Variants in EPB41L3 observed in about 807,000 individuals in gnomAD.
EPB41L3 encodes erythrocyte membrane protein band 4.1 like 3.
A neutral mutation model predicts 127.1 loss-of-function variants in EPB41L3; 57 were observed. The observed-to-expected ratio is 0.45, with a 90% CI of 0.36 to 0.56. The LOEUF (loss-of-function observed/expected upper bound fraction) is 0.56. Ranked by LOEUF, EPB41L3 falls within the 20% of genes least tolerant of loss-of-function variation. The probability of loss-of-function intolerance (pLI) is 0.00; values close to 1 mark genes in which losing one functional copy is unlikely to be tolerated. For synonymous variants in EPB41L3, 572 were observed against 549.5 expected, an observed-to-expected ratio of 1.04 and a Z score of -0.57; for missense variants, 1,273 against 1,372.2, an observed-to-expected ratio of 0.93 and a Z score of 1.14.
At chr18:5,485,697 G>A (rs867001914) in intron 2 of EPB41L3, among the ~76,000 whole-genome samples, 17 of 152,042 alleles carry the variant, frequency 1.1e-4, no homozygotes, top group Non-Finnish European at 1.8e-4. Flanking sequence ...TTTGTCAATG[G>A]TAAACTATCT....
intron 3 of EPB41L3, among the ~76,000 whole-genome samples, chr18:5,453,434 G>C (rs991790500): frequency 1.3e-5 from 2 of 152,102 alleles, no homozygotes; most frequent in African/African-American, 4.8e-5. Context: ...CATTGGCAAG[G>C]CTCTTCAGGA....
intron 3 of EPB41L3, among the ~76,000 whole-genome samples, chr18:5,573,410 T>C (rs990801624): frequency 6.6e-6 from 1 of 152,254 alleles, no homozygotes; most frequent in Non-Finnish European, 1.5e-5. Context: ...AAAGCAATCA[T>C]ATACCTCCAA....
intron 7 of EPB41L3, 34 bp from the exon 8 acceptor site, chr18:5,433,590 T>C (rs1214133347): frequency 1.3e-6 from 2 of 1,568,886 alleles, no homozygotes; most frequent in Admixed American, 1.7e-5. Context: ...CAATGATGCT[T>C]TTCCCTTCCC....
Position 5,398,191 on chromosome 18 carries a change from A to G in EPB41L3, c.2350-48T>C, listed in dbSNP as rs149052766. 4.7e-4 allele frequency: 751 copies of G among 1,606,024 alleles called. 1 individual carries two copies. In the African/African-American group the frequency reaches 6.9e-3, roughly 15 times the overall value. On this transcript the variant is annotated intron_variant, in intron 16 of 22. Transcript: ENST00000341928. ...AGTCAAGCACAAAAGAGAGACACAA[A>G]CTCAGGCACATAAACATTCACAGCT...
intron 3 of EPB41L3, chr18:5,571,039 T>G (rs1455706880): frequency 6.6e-6 from 1 of 152,226 alleles, no homozygotes; most frequent in African/African-American, 2.4e-5. Context: ...GAATTATAAT[T>G]ATGTGCATTG....
chr18:5,516,323 A>T (rs1284919655), intron 1 of EPB41L3, among the ~76,000 whole-genome samples: 5 of 152,188 alleles, frequency 3.3e-5, no homozygotes, highest in African/African-American at 9.7e-5. Context: ...TATCTCGATT[A>T]TAGGGATTCT....
At chr18:5,465,575 T>C (rs1568297934) in intron 3 of EPB41L3, among the ~76,000 whole-genome samples, 1 of 152,140 alleles carries the variant, frequency 6.6e-6, no homozygotes, top group Non-Finnish European at 1.5e-5. Flanking sequence ...TTTTATGGGG[T>C]GGAAATTCCA....
At chr18:5,484,121 A>C (rs1035774393) in intron 2 of EPB41L3, among the ~76,000 whole-genome samples, 10 of 110,502 alleles carry the variant, frequency 9.0e-5, no homozygotes, top group East Asian at 5.3e-4. Context: ...AAAAAAAAAA[A>C]CAGAAAAAAA....
intron 4 of EPB41L3, 101 bp downstream of exon 4, chr18:5,445,039 G>A (rs1253307697): frequency 1.3e-6 from 1 of 793,054 alleles, no homozygotes; most frequent in South Asian, 1.6e-5. Context: ...GGAGAATGAA[G>A]GGAGGTGGAG....
chr18:5,506,043 C>T (rs113666196), intron 1 of EPB41L3, among the ~76,000 whole-genome samples: 2 of 151,816 alleles, frequency 1.3e-5, no homozygotes, highest in African/African-American at 4.8e-5. Context: ...ACACCCTCAC[C>T]TCTGCCCCAG....
intron 2 of EPB41L3, 42 bp downstream of exon 2, chr18:5,488,959 C>G (rs765953747): frequency 1.5e-5 from 23 of 1,541,048 alleles, no homozygotes; most frequent in Non-Finnish European, 1.9e-5. Context: ...CCTGGAGCAG[C>G]TCAGCAAACA....
At chr18:5,630,460 T>C (rs1471567347), upstream of EPB41L3, 3 of 518,858 alleles carry the variant, frequency 5.8e-6, no homozygotes, top group East Asian at 5.5e-5. Context: ...AGAAAAAAAG[T>C]AGCGCAAGGG....
At chr18:5,542,427 C>A (rs887207712) in intron 1 of EPB41L3, among the ~76,000 whole-genome samples, 11 of 152,358 alleles carry the variant, frequency 7.2e-5, no homozygotes, top group African/African-American at 2.6e-4. Flanking sequence ...AACTCCAGCA[C>A]ACCTGGCCAC....
chr18:5,406,109 G>A (rs1351802810), intron 16 of EPB41L3, among the ~76,000 whole-genome samples: 3 of 151,760 alleles, frequency 2.0e-5, no homozygotes, highest in Non-Finnish European at 2.9e-5. Flanking sequence ...AAATTAGCCC[G>A]GTGTGGTGAA....
At chr18:5,529,798 T>C (rs1568509032) in intron 1 of EPB41L3, among the ~76,000 whole-genome samples, 1 of 152,158 alleles carries the variant, frequency 6.6e-6, no homozygotes, top group Non-Finnish European at 1.5e-5. Context: ...AGTCTTGATC[T>C]TTGAGCTGGA....
chr18:5,414,355 GTC>G (rs2144634635), intron 13 of EPB41L3, among the ~76,000 whole-genome samples: 1 of 152,254 alleles, frequency 6.6e-6, no homozygotes, highest in African/African-American at 2.4e-5. Context: ...CCTTGAAAAT[GTC>G]TCTTATGCAA....
intron 4 of EPB41L3, 64 bp downstream of exon 4, chr18:5,445,076 T>C: frequency 1.6e-6 from 2 of 1,234,074 alleles, no homozygotes. Context: ...TCAGTTTCAG[T>C]TCACTTTCTG....
At chr18:5,416,442 A>T in intron 12 of EPB41L3, 64 bp from the exon 13 acceptor site, 30 of 1,477,384 alleles carry the variant, frequency 2.0e-5, no homozygotes, top group Non-Finnish European at 2.7e-5. Flanking sequence ...GACAAAAAGA[A>T]AACTGCAATT....
At chr18:5,550,661 C>G (rs2093951440) in intron 3 of EPB41L3, among the ~76,000 whole-genome samples, 1 of 152,122 alleles carries the variant, frequency 6.6e-6, no homozygotes, top group African/African-American at 2.4e-5. Context: ...AGTAATGCCC[C>G]AGAAGGCTTC....
Sources: gnomAD v4.1 joint callset for allele counts (sites outside exome capture counted in the v4.1 genomes callset) on GRCh38, gnomAD v4.1.1 for gene constraint, MANE v1.5 for transcripts, NCBI Gene and HGNC (gene_info 2026-07-23, HGNC 2026-07-21) for gene names.